CASP6: variants seen among roughly 807,000 people sequenced by gnomAD.
CASP6 encodes caspase 6.
A neutral mutation model predicts 31.8 loss-of-function variants in CASP6; 20 were observed. The observed-to-expected ratio is 0.63, with a 90% confidence interval of 0.44 to 0.91. CASP6 has a LOEUF of 0.91. Among genes scored for constraint, CASP6 ranks in the 40% least tolerant of loss-of-function variants. The probability of loss-of-function intolerance (pLI) is 0.00; values close to 1 mark genes in which losing one functional copy is unlikely to be tolerated. For missense variants in CASP6, 328 were observed against 361.1 expected (o/e 0.91, Z 0.74); for synonymous variants, 130 against 127.8 (o/e 1.02, Z -0.12).
downstream of CASP6, among the ~76,000 whole-genome samples, chr4:109,685,557 T>C (rs2285712): frequency 0.61 from 92,041 of 152,052 alleles, 28,183 homozygotes; most frequent in South Asian, 0.68. Context: ...CTTCTGTACA[T>C]GAAGATAGCT....
intron 3 of CASP6, among the ~76,000 whole-genome samples, chr4:109,696,790 T>G (rs1034567341): frequency 2.1e-4 from 31 of 149,436 alleles, no homozygotes; most frequent in Admixed American, 6.0e-4. Context: ...AGTTTTTTTT[T>G]TTTTTTTTTT....
chr4:109,708,204 A>G (rs1730657624), upstream of CASP6, among the ~76,000 whole-genome samples: 1 of 152,246 alleles, frequency 6.6e-6, no homozygotes, highest in African/African-American at 2.4e-5. Flanking sequence ...AAGGGTTTTT[A>G]CTCAAACCAT....
chr4:109,687,652 GTTT>G (rs949364629), downstream of CASP6: 2 of 986,184 alleles, frequency 2.0e-6, no homozygotes, highest in African/African-American at 3.2e-5. Flanking sequence ...AACTTAGGAT[GTTT>G]TTGAGTCCCA....
chr4:109,667,405 A>G, the CASP6 span, among the ~76,000 whole-genome samples: 2 of 151,690 alleles, frequency 1.3e-5, no homozygotes, highest in Non-Finnish European at 2.9e-5. Context: ...TTTTCCTTTT[A>G]ATGTCCATGG....
the CASP6 span, chr4:109,681,332 T>C: frequency 9.3e-5 from 29 of 312,848 alleles, no homozygotes; most frequent in South Asian, 6.4e-4. Flanking sequence ...TTAAAGGTAG[T>C]CAAAAGCTAC....
At chr4:109,691,963 CCTG>C in intron 5 of CASP6, 1 of 152,198 alleles carries the variant, frequency 6.6e-6, no homozygotes, top group Non-Finnish European at 1.5e-5. Context: ...ACGATAAATT[CCTG>C]CTGTTTAAAC....
At chr4:109,703,704 G>C (rs1730511142), upstream of CASP6, 8 of 475,512 alleles carry the variant, frequency 1.7e-5, no homozygotes, top group South Asian at 9.8e-5. Context: ...GTTGCCACCC[G>C]GGGGGACACA....
chr4:109,673,814 G>A, the CASP6 span: 21 of 702,128 alleles, frequency 3.0e-5, no homozygotes, highest in Middle Eastern at 4.1e-4. Flanking sequence ...AGGTTTTTTC[G>A]CTCTAGGGAG....
chr4:109,689,155 A>G lies in CASP6; in HGVS notation c.*175T>C, dbSNP rs914496150. 2.3e-5 allele frequency: 13 copies of G among 568,584 alleles called. No individual in the cohort carries two copies. Among genetic ancestry groups the G allele is most frequent in the African/African-American group, 2.3e-4 (12 of 53,318 alleles). The allele number at this position is 568,584 out of a possible 1,614,324, so 35.2% of individuals were successfully genotyped here. The stretch of plus-strand genomic sequence containing the variant: ...CATGCCTAGCTAAATTTTTTTTTGC[A>G]TTTTTAGTAGAGACGGGGCTTCTCC... On this transcript the variant is annotated 3_prime_UTR_variant, in exon 7 of 7. Coordinates refer to ENST00000265164, the MANE Select transcript of CASP6 (RefSeq NM_001226.4).
chr4:109,697,990 C>T (rs1018322911), intron 2 of CASP6, among the ~76,000 whole-genome samples: 1 of 152,192 alleles, frequency 6.6e-6, no homozygotes, highest in Non-Finnish European at 1.5e-5. Context: ...ACATCCCTAA[C>T]CCTCTGCCTT....
chr4:109,706,005 T>A (rs1420275546), upstream of CASP6, among the ~76,000 whole-genome samples: 305 of 49,892 alleles, frequency 6.1e-3, 3 homozygotes, highest in African/African-American at 0.017. Flanking sequence ...AAAAAAAATA[T>A]ATATATATAT....
the CASP6 span, among the ~76,000 whole-genome samples, chr4:109,669,285 A>T: frequency 6.6e-6 from 1 of 152,158 alleles, no homozygotes. Context: ...GAATAATTTC[A>T]CAGGGTACCA....
At chr4:109,669,419 C>A in the CASP6 span, among the ~76,000 whole-genome samples, 1 of 151,942 alleles carries the variant, frequency 6.6e-6, no homozygotes, top group Non-Finnish European at 1.5e-5. Flanking sequence ...AAGGGTTCCC[C>A]CCTTCCCTGG....
intron 2 of CASP6, 102 bp from the exon 3 acceptor site, chr4:109,697,870 T>C: frequency 7.6e-7 from 1 of 1,316,936 alleles, no homozygotes; most frequent in East Asian, 2.4e-5. Context: ...AGCTTCCTCC[T>C]TGCCAGGCTG....
chr4:109,689,382 C>T lies in CASP6; in HGVS notation c.830G>A (p.Cys277Tyr). ...CTTTTTAGTTAGCATTGAGGCAAAA[C>T]AGGGAACCTGCTTCTTTCCAATTGC... ...PSAIGKKQVP[C>Y]FASMLTKKLH... is the part of the protein sequence containing the mutation. The change falls in exon 7 of 7, where the codon TGT (cysteine) becomes TAT (tyrosine). Residue 277 changes from cysteine to tyrosine, a missense_variant. Physicochemically the swap from Cys to Tyr is radical, Grantham distance 194 (BLOSUM62 -2). Coordinates refer to ENST00000265164, the MANE Select transcript of CASP6 (RefSeq NM_001226.4). 2 of 1,614,202 alleles carry T rather than the reference C, an allele frequency of 1.2e-6. No homozygotes were observed. The highest frequency in any genetic ancestry group is 1.7e-6 in the Non-Finnish European group (2 of 1,180,032).
Position 109,688,665 on chromosome 4 carries a change from C to T in CASP6, c.*665G>A, listed in dbSNP as rs1173013894. 6.6e-6 allele frequency: 1 copy of T among 151,954 alleles called. No individual in the cohort carries two copies. The highest frequency in any genetic ancestry group is 2.4e-5 in the African/African-American group (1 of 41,356). The allele number at this position is 151,954 out of a possible 1,614,324, so 9.4% of individuals were successfully genotyped here. ...ATTTTATTAAGGGATGATTTAATTC[C>T]TGGATTTCAAAAACCTTTAAAAACA... On this transcript the variant is annotated 3_prime_UTR_variant, in exon 7 of 7. Transcript: ENST00000265164.
Position 109,689,023 on chromosome 4 carries a change from T to G in CASP6, c.*307A>C, listed in dbSNP as rs1380086824. On this transcript the variant is annotated 3_prime_UTR_variant, in exon 7 of 7. Transcript: ENST00000265164. ...ACGGAGTTTCACTCGTTGCCCAGGC[T>G]GGAGTGCAATGGCGCAATCTCGGCT... 4.5e-6 allele frequency: 1 copy of G among 220,898 alleles called. No individual in the cohort carries two copies. Among genetic ancestry groups the G allele is most frequent in the Non-Finnish European group, 9.2e-6 (1 of 108,736 alleles). 13.7% of individuals were successfully genotyped at this position (220,898 alleles called of 1,614,324 possible).
rs781763293 is a variant in CASP6 at position 109,697,576 on chromosome 4, T to C, written c.230+46A>G. 1.7e-5 allele frequency: 27 copies of C among 1,553,232 alleles called. No individual in the cohort carries two copies. In the Middle Eastern group the frequency reaches 1.2e-3, roughly 70 times the overall value. ...ACCACCACACCTGGCCAAAAGTAATTTTATCACTTAACTGCCTCATCTTGA... is the reference window on the plus strand; with the variant it reads ...ACCACCACACCTGGCCAAAAGTAATCTTATCACTTAACTGCCTCATCTTGA... On this transcript the variant is annotated intron_variant, in intron 3 of 6. Transcript: ENST00000265164.
At chr4:109,706,004 AT>A (rs1730597842), upstream of CASP6, among the ~76,000 whole-genome samples, 165 of 44,020 alleles carry the variant, frequency 3.7e-3, 3 homozygotes, top group East Asian at 0.011. Context: ...AAAAAAAAAT[AT>A]ATATATATAT....
Sources: gnomAD v4.1 joint callset for allele counts (sites outside exome capture counted in the v4.1 genomes callset) on GRCh38, gnomAD v4.1.1 for gene constraint, MANE v1.5 for transcripts, NCBI Gene and HGNC (gene_info 2026-07-23, HGNC 2026-07-21) for gene names.